ERICH1: variants seen among roughly 807,000 people sequenced by gnomAD.
ERICH1 encodes the protein glutamate rich 1.
ERICH1 carries 56 observed loss-of-function variants against 39.6 expected under a neutral mutation model. The observed-to-expected ratio is 1.41, with a 90% CI of 1.14 to 1.77. The LOEUF (loss-of-function observed/expected upper bound fraction) is 1.77. Ranked by LOEUF, ERICH1 falls within the 40% of genes most tolerant of loss-of-function variation. The probability of loss-of-function intolerance (pLI) is 0.00; values close to 1 mark genes in which losing one functional copy is unlikely to be tolerated. For synonymous variants in ERICH1, 313 were observed against 223.6 expected (o/e 1.40, Z -3.57); for missense variants, 826 against 575.4 (o/e 1.44, Z -4.45).
At chr8:634,181 A>AAAAC (rs1554481888) in intron 3 of ERICH1, among the ~76,000 whole-genome samples, 1 of 147,646 alleles carries the variant, frequency 6.8e-6, no homozygotes, top group Admixed American at 6.7e-5. Flanking sequence ...AAAAAAAAAA[A>AAAAC]AAAAACAAAC....
At chr8:720,002 G>A (rs978016063) in intron 1 of ERICH1, among the ~76,000 whole-genome samples, 2 of 152,098 alleles carry the variant, frequency 1.3e-5, no homozygotes, top group East Asian at 1.9e-4. Flanking sequence ...CTCTGCCTAG[G>A]CCTGGAACCA....
chr8:707,657 A>C (rs1187990340), intron 2 of ERICH1, among the ~76,000 whole-genome samples: 1 of 152,162 alleles, frequency 6.6e-6, no homozygotes, highest in East Asian at 1.9e-4. Context: ...AAACGGATCA[A>C]GGACCTACAC....
intron 1 of ERICH1, among the ~76,000 whole-genome samples, chr8:722,117 C>T (rs756834680): frequency 1.4e-4 from 21 of 152,160 alleles, no homozygotes; most frequent in African/African-American, 2.4e-4. Context: ...ACCTCATCAA[C>T]GTGCTCCCCT....
At chr8:724,009 A>T (rs1200133229) in intron 1 of ERICH1, among the ~76,000 whole-genome samples, 1 of 152,244 alleles carries the variant, frequency 6.6e-6, no homozygotes, top group African/African-American at 2.4e-5. Context: ...ATAATTGGCT[A>T]ATACTTAAGC....
chr8:721,975 A>C (rs1817426979), intron 1 of ERICH1, among the ~76,000 whole-genome samples: 1 of 152,262 alleles, frequency 6.6e-6, no homozygotes, highest in East Asian at 1.9e-4. Flanking sequence ...CCACAAAAAC[A>C]GAGCTGGACC....
intron 2 of ERICH1, among the ~76,000 whole-genome samples, chr8:708,696 T>TTTTTTTTTTTTTTTTTTTTTTG (rs1563319661): frequency 2.2e-5 from 3 of 138,260 alleles, no homozygotes. Flanking sequence ...TTTTTTTTTT[T>TTTTTTTTTTTTTTTTTTTTTTG]TTTTTTTTTT....
At chr8:699,012 G>C (rs147471311) in intron 2 of ERICH1, among the ~76,000 whole-genome samples, 2 of 151,710 alleles carry the variant, frequency 1.3e-5, no homozygotes, top group Admixed American at 6.6e-5. Context: ...CAGCTGTGGC[G>C]GGAGGCTCAG....
In ERICH1 at chr8:646,604, G is replaced by A. The variant is rs1447870492; in HGVS notation, c.976+21994C>T. ...CAGCTCCAGCCTGTCCTTGGGTCCC[G>A]TGGCCGAGCCCCTTCCGCGAGGCTG... On this transcript the variant is annotated intron_variant, in intron 3 of 3. Coordinates refer to the ERICH1 transcript ENST00000522706. Among the ~76,000 whole-genome samples the A allele has an allele frequency of 2.9e-5, 2 of 68,810 alleles. 1 individual carries two copies. Among genetic ancestry groups the A allele is most frequent in the East Asian group, 6.0e-4 (2 of 3,322 alleles). 45.1% of individuals were successfully genotyped at this position (68,810 alleles called of 152,430 possible).
intron 3 of ERICH1, among the ~76,000 whole-genome samples, chr8:684,295 A>C (rs1329524245): frequency 1.3e-5 from 2 of 152,236 alleles, no homozygotes; most frequent in African/African-American, 4.8e-5. Flanking sequence ...AGGAAAGTTA[A>C]GAAAGTAATT....
chr8:685,921 G>T (rs1435645279), intron 3 of ERICH1, among the ~76,000 whole-genome samples: 4 of 149,770 alleles, frequency 2.7e-5, no homozygotes, highest in Non-Finnish European at 4.4e-5. Context: ...AAGGCAAGCA[G>T]ATCACTTGAC....
chr8:675,350 CGAGGACAGAGACGCGGCGGCCCCTCGT>C (rs1804500809), intron 3 of ERICH1, among the ~76,000 whole-genome samples: 3 of 2,244 alleles, frequency 1.3e-3, no homozygotes, highest in African/African-American at 3.0e-3. Context: ...GCCCCCTCGG[CGAGGACAGAGACGCGGCGGCCCCTCGT>C]GAGGACAGAG....
chr8:615,114 A>C (rs1482450212), exon 4 of ERICH1: 1 of 605,066 alleles, frequency 1.7e-6, no homozygotes, highest in African/African-American at 1.9e-5. Context: ...AGCTTGCTGC[A>C]TCTGAGTCTT....
intron 3 of ERICH1, among the ~76,000 whole-genome samples, chr8:687,989 T>TCCCGAGC (rs1807879460): frequency 6.6e-6 from 1 of 151,320 alleles, no homozygotes; most frequent in African/African-American, 2.4e-5. Context: ...CCTGCCCGGG[T>TCCCGAGC]CCCGAGCCCC....
intron 1 of ERICH1, among the ~76,000 whole-genome samples, chr8:729,691 A>C (rs1299075119): frequency 6.6e-6 from 1 of 151,954 alleles, no homozygotes; most frequent in African/African-American, 2.4e-5. Context: ...AACAACGTAA[A>C]TTTACTTGAC....
At chr8:695,530 T>G (rs71514187) in intron 2 of ERICH1, among the ~76,000 whole-genome samples, 13,121 of 106,386 alleles carry the variant, frequency 0.12, 1,146 homozygotes, top group Middle Eastern at 0.26. Context: ...CACCTGTGCT[T>G]GCTCCTCTCG....
Position 687,636 on chromosome 8 carries a change from C to T in ERICH1, c.304+4842G>A, listed in dbSNP as rs552240914. 3.3e-4 allele frequency among the ~76,000 whole-genome samples: 50 copies of T among 152,256 alleles called. No homozygotes were observed. In the East Asian group the frequency reaches 8.3e-3, roughly 25 times the overall value. Reference sequence around the variant, plus strand: ...CCTGTGGAGCGCAGCAGGAGGAAGGCAGCGCGCGGGGAGCGCCCGGGCGGC... The same window carrying T: ...CCTGTGGAGCGCAGCAGGAGGAAGGTAGCGCGCGGGGAGCGCCCGGGCGGC... On this transcript the variant is annotated intron_variant, in intron 3 of 5. Coordinates refer to ENST00000262109, the MANE Select transcript of ERICH1 (RefSeq NM_207332.3).
At chr8:699,782 C>G (rs1563295236) in intron 2 of ERICH1, among the ~76,000 whole-genome samples, 1 of 100,464 alleles carries the variant, frequency 1.0e-5, no homozygotes, top group African/African-American at 3.4e-5. Flanking sequence ...CAGACCCGCA[C>G]ACGCGCACAG....
At chr8:689,502 G>A (rs1348212286) in intron 3 of ERICH1, among the ~76,000 whole-genome samples, 1 of 152,220 alleles carries the variant, frequency 6.6e-6, no homozygotes, top group Non-Finnish European at 1.5e-5. Context: ...GCTTTCAGAT[G>A]CTGGCGGTGC....
At chr8:723,462 T>C (rs1366414525) in intron 1 of ERICH1, among the ~76,000 whole-genome samples, 2 of 152,246 alleles carry the variant, frequency 1.3e-5, no homozygotes, top group African/African-American at 2.4e-5. Flanking sequence ...ATTTCCACCA[T>C]GGCCAGCTTG....
Sources: gnomAD v4.1 joint callset for allele counts (sites outside exome capture counted in the v4.1 genomes callset) on GRCh38, gnomAD v4.1.1 for gene constraint, MANE v1.5 for transcripts, NCBI Gene and HGNC (gene_info 2026-07-23, HGNC 2026-07-21) for gene names.